GABRG3: variants seen among roughly 807,000 people sequenced by gnomAD.
GABRG3 encodes the protein gamma-aminobutyric acid receptor subunit gamma-3.
GABRG3 carries 25 observed loss-of-function variants against 48.8 expected under a neutral mutation model. That is an observed-to-expected ratio of 0.51 (90% CI 0.37 to 0.72). The LOEUF is 0.72. Among genes scored for constraint, GABRG3 ranks in the 30% least tolerant of loss-of-function variants. The pLI is 0.00. For synonymous variants in GABRG3, 227 were observed against 217.6 expected (o/e 1.04, Z -0.38); for missense variants, 394 against 577.9 (o/e 0.68, Z 3.26).
At chr15:27,318,537 CAG>C (rs1893310403) in intron 3 of GABRG3, among the ~76,000 whole-genome samples, 1 of 152,286 alleles carries the variant, frequency 6.6e-6, no homozygotes, top group East Asian at 1.9e-4. Flanking sequence ...CTGCTTCTGA[CAG>C]AGTCAGAAAT....
chr15:27,405,850 T>G (rs1595733453), intron 5 of GABRG3, among the ~76,000 whole-genome samples: 1 of 150,880 alleles, frequency 6.6e-6, no homozygotes, highest in African/African-American at 2.5e-5. Context: ...ATTCTAGGAC[T>G]GGGGGAGGGA....
chr15:27,281,568 A>G (rs1308824706), intron 3 of GABRG3, among the ~76,000 whole-genome samples: 1 of 151,546 alleles, frequency 6.6e-6, no homozygotes, highest in Non-Finnish European at 1.5e-5. Flanking sequence ...TCTGGGTGAT[A>G]CATGATACAT....
At chr15:27,136,337 T>C (rs1204921853) in intron 3 of GABRG3, among the ~76,000 whole-genome samples, 3 of 152,208 alleles carry the variant, frequency 2.0e-5, no homozygotes, top group African/African-American at 7.2e-5. Context: ...TTGACATATA[T>C]AAGCTTTGAA....
At chr15:27,055,006 GTTTTT>G (rs150102149) in intron 3 of GABRG3, among the ~76,000 whole-genome samples, 381 of 141,122 alleles carry the variant, frequency 2.7e-3, no homozygotes, top group Non-Finnish European at 3.1e-3. Context: ...GCCAAGACCT[GTTTTT>G]TTTTTTTTTT....
intron 5 of GABRG3, among the ~76,000 whole-genome samples, chr15:27,468,527 T>G: frequency 6.6e-6 from 1 of 152,288 alleles, no homozygotes. Flanking sequence ...GTCCACATCC[T>G]GGTATTTCAG....
intron 3 of GABRG3, among the ~76,000 whole-genome samples, chr15:27,313,284 A>ATG (rs1893085857): frequency 4.7e-5 from 5 of 106,532 alleles, no homozygotes; most frequent in Admixed American, 3.0e-4. Flanking sequence ...ATATATATAT[A>ATG]TATATATATA....
At position 27,236,888 on chromosome 15, in the gene GABRG3, C is replaced by T. The variant is rs920648496; in HGVS notation, c.271-89921C>T. ...AGCTTATTGAATATACGTATCCATCCCCCCACTCAGCAGACATTCCTGCTC... is the reference window on the plus strand; with the variant it reads ...AGCTTATTGAATATACGTATCCATCTCCCCACTCAGCAGACATTCCTGCTC... On this transcript the variant is annotated intron_variant, in intron 3 of 9. Transcript: ENST00000615808. This position sits in a 1 kb window ranked among gnomAD's most constrained non-coding sequence, Gnocchi z 4.4. Among the ~76,000 whole-genome samples the T allele has an allele frequency of 1.3e-5, 2 of 152,274 alleles. No homozygotes were observed. Among genetic ancestry groups the T allele is most frequent in the Admixed American group, 1.3e-4 (2 of 15,298 alleles).
At chr15:27,327,943 C>T (rs766411708) in intron 4 of GABRG3, among the ~76,000 whole-genome samples, 11 of 152,118 alleles carry the variant, frequency 7.2e-5, no homozygotes. Context: ...AAGCCATGTG[C>T]GTACTGAGAA....
chr15:27,505,140 T>G (rs988660327), intron 6 of GABRG3, among the ~76,000 whole-genome samples: 1 of 151,986 alleles, frequency 6.6e-6, no homozygotes, highest in Non-Finnish European at 1.5e-5. Context: ...TGATAATTTG[T>G]TTTTTTTATG....
intron 3 of GABRG3, among the ~76,000 whole-genome samples, chr15:27,103,154 T>G (rs971384183): frequency 6.6e-6 from 1 of 152,190 alleles, no homozygotes; most frequent in African/African-American, 2.4e-5. Context: ...AGCAACACAC[T>G]CCACCATGCT....
At chr15:27,182,038 C>T (rs915904993) in intron 3 of GABRG3, among the ~76,000 whole-genome samples, 4 of 151,258 alleles carry the variant, frequency 2.6e-5, no homozygotes, top group Admixed American at 6.6e-5. Context: ...AAACAAAATG[C>T]AACCCCATTG....
intron 5 of GABRG3, among the ~76,000 whole-genome samples, chr15:27,332,060 A>G (rs535401658): frequency 2.8e-4 from 43 of 152,382 alleles, no homozygotes; most frequent in South Asian, 1.2e-3. Flanking sequence ...AGGATTCACT[A>G]TTCATAAATG....
intron 6 of GABRG3, among the ~76,000 whole-genome samples, chr15:27,486,982 A>G (rs190283659): frequency 7.1e-4 from 108 of 152,322 alleles, no homozygotes; most frequent in African/African-American, 2.5e-3. Flanking sequence ...TTGTAGAAGA[A>G]ATTCAAGAAG....
chr15:27,352,725 A>G lies in GABRG3; in HGVS notation c.574+23837A>G, dbSNP rs1346058334. On this transcript the variant is annotated intron_variant, in intron 5 of 9. Coordinates refer to ENST00000615808, the MANE Select transcript of GABRG3 (RefSeq NM_033223.5). This position sits in a 1 kb window ranked among gnomAD's most constrained non-coding sequence, Gnocchi z 4.0. Reference sequence around the variant, plus strand: ...TGGTCCCTAGGATTGTGCTTGAGAAAGGAGCTCAGTGTCTTCCCCATATGC... The same window carrying G: ...TGGTCCCTAGGATTGTGCTTGAGAAGGGAGCTCAGTGTCTTCCCCATATGC... 6.6e-6 allele frequency among the ~76,000 whole-genome samples: 1 copy of G among 152,116 alleles called. No homozygotes were observed. The highest frequency in any genetic ancestry group is 1.5e-5 in the Non-Finnish European group (1 of 68,020).
chr15:27,450,578 A>G (rs932125805), intron 5 of GABRG3, among the ~76,000 whole-genome samples: 2 of 152,190 alleles, frequency 1.3e-5, no homozygotes, highest in African/African-American at 2.4e-5. Flanking sequence ...AATAAAGACC[A>G]TATATGACTA....
At chr15:27,019,055 C>CTTTTTT (rs9331868) in intron 2 of GABRG3, among the ~76,000 whole-genome samples, 9 of 42,034 alleles carry the variant, frequency 2.1e-4, no homozygotes, top group Admixed American at 4.7e-4. Flanking sequence ...TCCCTAGAGT[C>CTTTTTT]TTTTTTTTTT....
intron 3 of GABRG3, among the ~76,000 whole-genome samples, chr15:27,152,338 C>G (rs1165602530): frequency 6.6e-6 from 1 of 152,082 alleles, no homozygotes; most frequent in Non-Finnish European, 1.5e-5. Flanking sequence ...TTTTATTTAT[C>G]TATTGTTTTC....
intron 3 of GABRG3, among the ~76,000 whole-genome samples, chr15:27,176,181 A>G (rs937214289): frequency 2.0e-5 from 3 of 152,196 alleles, no homozygotes; most frequent in Admixed American, 1.3e-4. Context: ...GAATTTCTCA[A>G]AGAGCTAGCC....
chr15:27,424,049 GC>G (rs1888213610), intron 5 of GABRG3, among the ~76,000 whole-genome samples: 3 of 151,984 alleles, frequency 2.0e-5, no homozygotes, highest in African/African-American at 7.3e-5. Flanking sequence ...AGTTAACTTT[GC>G]CCAAAGAAAG....
Sources: gnomAD v4.1 joint callset for allele counts (sites outside exome capture counted in the v4.1 genomes callset) on GRCh38, gnomAD v4.1.1 for gene constraint, Gnocchi (gnomAD v3.1) non-coding constraint, MANE v1.5 for transcripts, NCBI Gene and HGNC (gene_info 2026-07-23, HGNC 2026-07-21) for gene names.